The following RAPGEF5 variants were observed in gnomAD, a reference collection of about 807,000 sequenced individuals.
The protein encoded by RAPGEF5 is M-Ras-regulated GEF.
A neutral mutation model predicts 125.2 loss-of-function variants in RAPGEF5; 65 were observed. That is an observed-to-expected ratio of 0.52 (90% CI 0.43 to 0.64). The LOEUF is 0.64. Ranked by LOEUF, RAPGEF5 falls within the 30% of genes least tolerant of loss-of-function variation. The probability of loss-of-function intolerance (pLI) is 0.00; values close to 1 mark genes in which losing one functional copy is unlikely to be tolerated. For synonymous variants in RAPGEF5, 391 were observed against 385.9 expected, an observed-to-expected ratio of 1.01 and a Z score of -0.16; for missense variants, 958 against 1,048.1, an observed-to-expected ratio of 0.91 and a Z score of 1.19.
At chr7:22,354,608 T>C (rs1447599415) in intron 1 of RAPGEF5, among the ~76,000 whole-genome samples, 1 of 152,104 alleles carries the variant, frequency 6.6e-6, no homozygotes, top group Non-Finnish European at 1.5e-5. Context: ...AAACATGACA[T>C]TATTTGGAGA....
chr7:22,216,180 A>G (rs1259680642), intron 9 of RAPGEF5, among the ~76,000 whole-genome samples: 1 of 152,176 alleles, frequency 6.6e-6, no homozygotes, highest in Admixed American at 6.5e-5. Flanking sequence ...AGCTTTCTAA[A>G]GGTTCTTTCC....
intron 11 of RAPGEF5, among the ~76,000 whole-genome samples, chr7:22,173,413 T>C (rs961173535): frequency 6.6e-6 from 1 of 152,220 alleles, no homozygotes; most frequent in African/African-American, 2.4e-5. Flanking sequence ...GCGTTTTCTT[T>C]AGCCATTCTA....
intron 5 of RAPGEF5, among the ~76,000 whole-genome samples, chr7:22,307,959 T>A (rs778930417): frequency 3.3e-5 from 5 of 152,184 alleles, no homozygotes; most frequent in Non-Finnish European, 5.9e-5. Flanking sequence ...TAGACTATTT[T>A]CAGAAACATT....
chr7:22,127,259 T>G (rs547841547), intron 24 of RAPGEF5, among the ~76,000 whole-genome samples: 1 of 152,250 alleles, frequency 6.6e-6, no homozygotes, highest in South Asian at 2.1e-4. Context: ...CAGGCTGGTC[T>G]TGAACTCCTG....
intron 11 of RAPGEF5, among the ~76,000 whole-genome samples, chr7:22,176,655 A>C (rs1200860494): frequency 6.6e-6 from 1 of 152,064 alleles, no homozygotes; most frequent in African/African-American, 2.4e-5. Flanking sequence ...CAGCCTCCTG[A>C]ATAGCTGGGA....
chr7:22,254,725 G>A (rs1236838380), intron 7 of RAPGEF5, among the ~76,000 whole-genome samples: 1 of 152,096 alleles, frequency 6.6e-6, no homozygotes, highest in Non-Finnish European at 1.5e-5. Flanking sequence ...GACTTGGAGA[G>A]GAAGGGGGAG....
intron 1 of RAPGEF5, among the ~76,000 whole-genome samples, chr7:22,351,045 T>G (rs898399103): frequency 1.3e-5 from 2 of 152,212 alleles, no homozygotes; most frequent in Non-Finnish European, 1.5e-5. Flanking sequence ...CAAAGTAAGC[T>G]GGGTGAATTC....
At chr7:22,261,893 T>C (rs1182090154) in intron 7 of RAPGEF5, among the ~76,000 whole-genome samples, 2 of 151,698 alleles carry the variant, frequency 1.3e-5, no homozygotes, top group South Asian at 2.1e-4. Context: ...TCATACCTTA[T>C]ATCAAAACTA....
At chr7:22,260,298 A>G (rs1035101719) in intron 7 of RAPGEF5, among the ~76,000 whole-genome samples, 12 of 152,212 alleles carry the variant, frequency 7.9e-5, no homozygotes, top group African/African-American at 2.7e-4. Flanking sequence ...CCACATGTCA[A>G]TGGAGGTTCC....
chr7:22,153,222 G>A (rs1783687045), intron 17 of RAPGEF5, among the ~76,000 whole-genome samples: 1 of 152,058 alleles, frequency 6.6e-6, no homozygotes, highest in Admixed American at 6.5e-5. Context: ...CTTGAGAGGT[G>A]GATGCTTAAG....
intron 9 of RAPGEF5, 64 bp downstream of exon 9, chr7:22,219,802 T>C (rs1785735105): frequency 5.3e-6 from 8 of 1,508,782 alleles, no homozygotes; most frequent in Middle Eastern, 1.9e-4. Flanking sequence ...CGTTCAAACA[T>C]GCAATCAGGC....
chr7:22,309,150 C>G (rs1783413001), intron 4 of RAPGEF5, among the ~76,000 whole-genome samples: 1 of 152,184 alleles, frequency 6.6e-6, no homozygotes, highest in Admixed American at 6.5e-5. Context: ...GGTATTAGTA[C>G]AAAATGTTTT....
At chr7:22,320,483 G>A (rs1244814493) in intron 1 of RAPGEF5, among the ~76,000 whole-genome samples, 1 of 152,110 alleles carries the variant, frequency 6.6e-6, no homozygotes, top group Admixed American at 6.5e-5. Flanking sequence ...GAAACACCAT[G>A]GGCCATCTTA....
chr7:22,251,775 C>CCAAA (rs71550466), intron 7 of RAPGEF5, among the ~76,000 whole-genome samples: 1 of 73,350 alleles, frequency 1.4e-5, no homozygotes, highest in Non-Finnish European at 2.5e-5. Flanking sequence ...GTTTCATTGA[C>CCAAA]AAAAAAAAAA....
rs1784438194 is a variant in RAPGEF5, at chr7:22,357,143, G to A, written c.-83C>T. 2 of 760,944 alleles carry A rather than the reference G, an allele frequency of 2.6e-6. No homozygotes were observed. The highest frequency in any genetic ancestry group is 3.2e-6 in the Non-Finnish European group (2 of 621,132). The allele number at this position is 760,944 out of a possible 1,614,324, so 47.1% of individuals were successfully genotyped here. A position where few individuals can be genotyped will look rare whatever the true frequency, so the allele number is the denominator to read the frequency against. On this transcript the variant is annotated 5_prime_UTR_variant, in exon 1 of 26. Coordinates refer to ENST00000665637, the MANE Select transcript of RAPGEF5 (RefSeq NM_012294.5). ...CGTCCGCGCCTTCGCCAGGAAGCGA[G>A]AGGGCGCGACTGCGGCTCGGGCGCG... is the stretch of plus-strand genomic sequence containing the variant.
intron 7 of RAPGEF5, among the ~76,000 whole-genome samples, chr7:22,263,620 C>T (rs1184603418): frequency 1.3e-5 from 2 of 151,696 alleles, no homozygotes; most frequent in African/African-American, 2.4e-5. Flanking sequence ...TTCCCAGCTA[C>T]TAGGGAGGCT....
At chr7:22,127,371 G>A (rs1248232143) in intron 24 of RAPGEF5, among the ~76,000 whole-genome samples, 1 of 152,090 alleles carries the variant, frequency 6.6e-6, no homozygotes, top group Non-Finnish European at 1.5e-5. Context: ...CAGCTGCTTT[G>A]GACAAGATCC....
intron 7 of RAPGEF5, among the ~76,000 whole-genome samples, chr7:22,248,499 C>T (rs1449357885): frequency 2.6e-5 from 4 of 152,162 alleles, no homozygotes; most frequent in Non-Finnish European, 5.9e-5. Context: ...TCTGCCCCTT[C>T]CCTAACCAGA....
At chr7:22,135,901 A>G (rs1004745285) in intron 23 of RAPGEF5, 137 bp downstream of exon 23, 2 of 616,424 alleles carry the variant, frequency 3.2e-6, no homozygotes, top group African/African-American at 1.9e-5. Context: ...AAACAATCAC[A>G]AGGCAACACA....
Sources: allele counts gnomAD v4.1 joint callset (sites outside exome capture counted in the v4.1 genomes callset), GRCh38; gene constraint gnomAD v4.1.1; transcripts MANE v1.5; gene names NCBI Gene and HGNC (gene_info 2026-07-23, HGNC 2026-07-21).